Variants in TASP1 observed in about 807,000 individuals in gnomAD.
TASP1 encodes taspase 1.
Under a neutral mutation model 56.6 loss-of-function variants are expected in TASP1, and 16 were observed. That is an observed-to-expected ratio of 0.28 (90% CI 0.19 to 0.43). The LOEUF (loss-of-function observed/expected upper bound fraction) is 0.43. TASP1 is among the 20% of genes least tolerant of loss of function. The pLI is 1.00. For synonymous variants in TASP1, 179 were observed against 184.2 expected, an observed-to-expected ratio of 0.97 and a Z score of 0.23; for missense variants, 393 against 511.6, an observed-to-expected ratio of 0.77 and a Z score of 2.24.
chr20:13,614,673 T>C, intron 4 of TASP1: 5 of 353,340 alleles, frequency 1.4e-5, no homozygotes, highest in South Asian at 1.2e-4. Context: ...TCACAACAGT[T>C]TTCACATTTT....
intron 11 of TASP1, among the ~76,000 whole-genome samples, chr20:13,436,427 A>T (rs1054155717): frequency 1.3e-5 from 2 of 152,000 alleles, no homozygotes. Context: ...GCAAGCCCAT[A>T]ATCTTTATTC....
the TASP1 span, among the ~76,000 whole-genome samples, chr20:13,181,310 AC>A: frequency 2.5e-4 from 38 of 151,990 alleles, no homozygotes; most frequent in Admixed American, 1.7e-3. Flanking sequence ...TCATCAATGA[AC>A]CCTTTACGGC....
the TASP1 span, among the ~76,000 whole-genome samples, chr20:13,138,490 C>T: frequency 6.6e-6 from 1 of 152,170 alleles, no homozygotes; most frequent in African/African-American, 2.4e-5. Flanking sequence ...ACACCCCTAA[C>T]CCAGCCCTCC....
intron 4 of TASP1, among the ~76,000 whole-genome samples, chr20:13,597,920 C>T (rs1004840650): frequency 6.6e-6 from 1 of 152,188 alleles, no homozygotes; most frequent in African/African-American, 2.4e-5. Flanking sequence ...CATGAGTGAA[C>T]TCCCATTCAC....
the TASP1 span, chr20:13,299,312 C>T: frequency 6.2e-7 from 1 of 1,613,846 alleles, no homozygotes; most frequent in Non-Finnish European, 8.5e-7. This position sits in a 1 kb window ranked among gnomAD's most constrained non-coding sequence, Gnocchi z 5.8. Flanking sequence ...AGCTCCACTA[C>T]AAGGTGGACG....
intron 7 of TASP1, among the ~76,000 whole-genome samples, chr20:13,567,357 A>G (rs938951823): frequency 7.9e-5 from 12 of 152,144 alleles, no homozygotes; most frequent in African/African-American, 2.9e-4. Context: ...TAGTCTGTAC[A>G]ACAAACCCCT....
chr20:13,450,200 T>G (rs1402678202), intron 11 of TASP1, among the ~76,000 whole-genome samples: 2 of 152,128 alleles, frequency 1.3e-5, no homozygotes, highest in Non-Finnish European at 2.9e-5. Flanking sequence ...ATGCTAATGA[T>G]TATCTGAGAC....
chr20:13,637,995 G>A (rs1471265630), intron 1 of TASP1, among the ~76,000 whole-genome samples: 1 of 152,006 alleles, frequency 6.6e-6, no homozygotes, highest in African/African-American at 2.4e-5. Flanking sequence ...TATTTTACAC[G>A]CATACATTAT....
At chr20:13,147,121 C>T in the TASP1 span, among the ~76,000 whole-genome samples, 3 of 152,154 alleles carry the variant, frequency 2.0e-5, no homozygotes, top group African/African-American at 7.2e-5. Context: ...CTGCCCACCC[C>T]TGATGTCCAG....
intron 12 of TASP1, among the ~76,000 whole-genome samples, chr20:13,434,464 C>A (rs1409323291): frequency 6.6e-6 from 1 of 152,174 alleles, no homozygotes; most frequent in African/African-American, 2.4e-5. Flanking sequence ...CAAAACCACA[C>A]ATCTGGATGG....
chr20:13,482,249 T>G (rs1333055446), intron 11 of TASP1, among the ~76,000 whole-genome samples: 1 of 152,166 alleles, frequency 6.6e-6, no homozygotes, highest in East Asian at 1.9e-4. Flanking sequence ...GTTTCTGGGT[T>G]CTATATTCTG....
At chr20:13,582,170 C>A (rs1256023401) in intron 5 of TASP1, among the ~76,000 whole-genome samples, 4 of 150,024 alleles carry the variant, frequency 2.7e-5, no homozygotes, top group Admixed American at 6.6e-5. Flanking sequence ...TTTACTAGTT[C>A]TTAAAACAAT....
chr20:13,284,960 G>A, the TASP1 span, among the ~76,000 whole-genome samples: 3 of 152,166 alleles, frequency 2.0e-5, no homozygotes, highest in Non-Finnish European at 4.4e-5. Flanking sequence ...GATTTTATGG[G>A]GTATTTGTAA....
Position 13,576,185 on chromosome 20 carries a change from G to C in TASP1, c.488+4712C>G, listed in dbSNP as rs112339209. The stretch of plus-strand genomic sequence containing the variant: ...CCATTGCACTCCAGCCTGGGCAACA[G>C]AGCAAGATTCCGAGACAGAAGGGGG... On this transcript the variant is annotated intron_variant, in intron 6 of 13. Transcript: ENST00000337743. Among the ~76,000 whole-genome samples, 46 of 118,152 alleles carry C rather than the reference G, an allele frequency of 3.9e-4. 2 individuals carry two copies. Among genetic ancestry groups the C allele is most frequent in the African/African-American group, 1.4e-3 (45 of 31,972 alleles). 77.5% of individuals were successfully genotyped at this position (118,152 alleles called of 152,430 possible).
chr20:13,257,639 C>T, the TASP1 span, among the ~76,000 whole-genome samples: 3 of 151,998 alleles, frequency 2.0e-5, no homozygotes, highest in Admixed American at 2.0e-4. Context: ...ACCTGATTAA[C>T]CCTAAAAAGT....
chr20:13,308,728 C>A, the TASP1 span, among the ~76,000 whole-genome samples: 1 of 152,156 alleles, frequency 6.6e-6, no homozygotes, highest in Admixed American at 6.5e-5. Flanking sequence ...AGGTACAGAA[C>A]ATTTGTGTTC....
the TASP1 span, among the ~76,000 whole-genome samples, chr20:13,234,438 G>C: frequency 6.6e-6 from 1 of 152,120 alleles, no homozygotes; most frequent in Non-Finnish European, 1.5e-5. Context: ...TCTTTTTGAT[G>C]TATTGATTTC....
chr20:13,470,679 C>G (rs762056472), intron 11 of TASP1, among the ~76,000 whole-genome samples: 1 of 152,090 alleles, frequency 6.6e-6, no homozygotes, highest in African/African-American at 2.4e-5. Context: ...ATTTTAGAAG[C>G]AAAGTTGATG....
At chr20:13,335,321 TATGCAC>T in the TASP1 span, among the ~76,000 whole-genome samples, 86 of 131,234 alleles carry the variant, frequency 6.6e-4, no homozygotes, top group African/African-American at 2.8e-3. Flanking sequence ...TCCCCTCACC[TATGCAC>T]ACACACACAC....
Sources: allele counts gnomAD v4.1 joint callset (sites outside exome capture counted in the v4.1 genomes callset), GRCh38; gene constraint gnomAD v4.1.1; non-coding constraint Gnocchi (gnomAD v3.1); transcripts MANE v1.5; gene names NCBI Gene and HGNC (gene_info 2026-07-23, HGNC 2026-07-21).